RPS6KC1: variants seen among roughly 807,000 people sequenced by gnomAD.
The protein encoded by RPS6KC1 is ribosomal protein S6 kinase C1.
In RPS6KC1, 54 loss-of-function variants were observed where a neutral mutation model predicts 103.8. The observed-to-expected ratio is 0.52, with a 90% CI of 0.42 to 0.65. The LOEUF is 0.65. Among genes scored for constraint, RPS6KC1 ranks in the 30% least tolerant of loss-of-function variants. The pLI, the probability that RPS6KC1 is intolerant of heterozygous loss-of-function variation, is 0.00. For missense variants in RPS6KC1, 1,151 were observed against 1,253.8 expected, an observed-to-expected ratio of 0.92 and a Z score of 1.24; for synonymous variants, 439 against 438.7, an observed-to-expected ratio of 1.00 and a Z score of -0.01.
the RPS6KC1 span, among the ~76,000 whole-genome samples, chr1:213,324,593 CT>C: frequency 0.36 from 28,917 of 80,584 alleles, 4,627 homozygotes; most frequent in East Asian, 0.51. Context: ...GCTCGATATG[CT>C]TTTTTTTTTT....
the RPS6KC1 span, among the ~76,000 whole-genome samples, chr1:213,402,810 G>C: frequency 6.6e-6 from 1 of 152,086 alleles, no homozygotes; most frequent in Non-Finnish European, 1.5e-5. Flanking sequence ...GAATGCACTT[G>C]AGATCATTCT....
At chr1:213,535,896 C>A in the RPS6KC1 span, among the ~76,000 whole-genome samples, 1 of 152,080 alleles carries the variant, frequency 6.6e-6, no homozygotes, top group South Asian at 2.1e-4. Flanking sequence ...TGCCCTTAGA[C>A]CAATCTGAGA....
the RPS6KC1 span, among the ~76,000 whole-genome samples, chr1:213,809,278 T>A: frequency 6.6e-6 from 1 of 152,126 alleles, no homozygotes; most frequent in Non-Finnish European, 1.5e-5. Flanking sequence ...ACCCACAACA[T>A]TTAGTAATTA....
At chr1:213,805,371 C>T in the RPS6KC1 span, among the ~76,000 whole-genome samples, 15 of 152,020 alleles carry the variant, frequency 9.9e-5, no homozygotes, top group Non-Finnish European at 1.3e-4. Context: ...ACCCTGCTGC[C>T]GCTTTGCCAA....
the RPS6KC1 span, among the ~76,000 whole-genome samples, chr1:213,583,077 G>A: frequency 3.2e-3 from 487 of 152,306 alleles, 3 homozygotes; most frequent in African/African-American, 0.011. Flanking sequence ...GGTCCTTGCC[G>A]TTGCGTGCAT....
At chr1:213,563,894 A>G in the RPS6KC1 span, among the ~76,000 whole-genome samples, 68 of 150,098 alleles carry the variant, frequency 4.5e-4, no homozygotes, top group Non-Finnish European at 4.6e-4. Context: ...TTTTTCATTT[A>G]TATTTACCTA....
the RPS6KC1 span, among the ~76,000 whole-genome samples, chr1:213,589,565 C>T: frequency 1.3e-5 from 2 of 151,460 alleles, no homozygotes; most frequent in South Asian, 2.1e-4. Context: ...TCACTTGAAC[C>T]TGGGAGGTGG....
chr1:213,441,113 A>G, the RPS6KC1 span, among the ~76,000 whole-genome samples: 1 of 152,352 alleles, frequency 6.6e-6, no homozygotes, highest in East Asian at 1.9e-4. Flanking sequence ...ATTATCTCAT[A>G]TAGAGTAAAT....
At chr1:213,417,843 A>G in the RPS6KC1 span, among the ~76,000 whole-genome samples, 5 of 152,306 alleles carry the variant, frequency 3.3e-5, no homozygotes, top group Admixed American at 2.6e-4. Context: ...TTTTATTAAC[A>G]TACTTTACAA....
chr1:213,511,369 C>T, the RPS6KC1 span, among the ~76,000 whole-genome samples: 3 of 152,140 alleles, frequency 2.0e-5, no homozygotes, highest in Non-Finnish European at 4.4e-5. Flanking sequence ...GGCCATCCAG[C>T]AGCATTGTGG....
the RPS6KC1 span, among the ~76,000 whole-genome samples, chr1:213,297,577 A>C: frequency 6.6e-6 from 1 of 152,182 alleles, no homozygotes; most frequent in Non-Finnish European, 1.5e-5. Context: ...AAGTAATTTA[A>C]GTGTAAGTAT....
chr1:213,363,633 T>TTG, the RPS6KC1 span, among the ~76,000 whole-genome samples: 1 of 39,728 alleles, frequency 2.5e-5, no homozygotes, highest in East Asian at 5.3e-4. Context: ...TTGCTTTCTT[T>TTG]CTTTCTTTCT....
At chr1:213,794,688 T>A in the RPS6KC1 span, 1 of 152,320 alleles carries the variant, frequency 6.6e-6, no homozygotes. Flanking sequence ...CTGTGTCTGA[T>A]GAGAGCTTCC....
chr1:213,659,754 A>T, the RPS6KC1 span, among the ~76,000 whole-genome samples: 7 of 152,098 alleles, frequency 4.6e-5, no homozygotes, highest in Admixed American at 3.9e-4. Flanking sequence ...CCAGAGGTGC[A>T]TATGTGCCTG....
chr1:213,424,621 A>G, the RPS6KC1 span, among the ~76,000 whole-genome samples: 1 of 152,200 alleles, frequency 6.6e-6, no homozygotes, highest in Non-Finnish European at 1.5e-5. Context: ...TCCCATCTGC[A>G]CCCTGATGGA....
the RPS6KC1 span, among the ~76,000 whole-genome samples, chr1:213,814,004 T>C: frequency 2.0e-5 from 3 of 152,366 alleles, no homozygotes; most frequent in African/African-American, 7.2e-5. Flanking sequence ...ATTAAATTGC[T>C]AAAACTCACA....
the RPS6KC1 span, among the ~76,000 whole-genome samples, chr1:213,358,731 G>A: frequency 1.2e-4 from 18 of 151,940 alleles, no homozygotes; most frequent in Admixed American, 1.1e-3. Flanking sequence ...CTTTAAATGT[G>A]TCCCAGAGAT....
chr1:213,745,548 A>G, the RPS6KC1 span, among the ~76,000 whole-genome samples: 3 of 152,240 alleles, frequency 2.0e-5, no homozygotes, highest in African/African-American at 7.2e-5. Context: ...AAACACCGGC[A>G]TTGATCTCAG....
the RPS6KC1 span, among the ~76,000 whole-genome samples, chr1:213,735,262 C>T: frequency 6.6e-6 from 1 of 152,196 alleles, no homozygotes; most frequent in African/African-American, 2.4e-5. Context: ...AATGTTGCTC[C>T]TAAGCTCAGA....
Sources: gnomAD v4.1 joint callset for allele counts (sites outside exome capture counted in the v4.1 genomes callset) on GRCh38, gnomAD v4.1.1 for gene constraint, MANE v1.5 for transcripts, NCBI Gene and HGNC (gene_info 2026-07-23, HGNC 2026-07-21) for gene names.